Variants in DPYD observed in about 807,000 individuals in gnomAD.
DPYD encodes the protein dihydropyrimidine dehydrogenase.
In DPYD, 109 loss-of-function variants were observed where a neutral mutation model predicts 116.2. The observed-to-expected ratio is 0.94, with a 90% CI of 0.80 to 1.10. The LOEUF is 1.10. Among genes scored for constraint, DPYD ranks in the 50% least tolerant of loss-of-function variants. The probability of loss-of-function intolerance (pLI) is 0.00; values close to 1 mark genes in which losing one functional copy is unlikely to be tolerated. For missense variants in DPYD, 1,302 were observed against 1,254.5 expected (o/e 1.04, Z -0.57); for synonymous variants, 440 against 432.0 (o/e 1.02, Z -0.23).
intron 3 of DPYD, among the ~76,000 whole-genome samples, chr1:97,796,162 C>A (rs1215240537): frequency 6.6e-6 from 1 of 151,972 alleles, no homozygotes; most frequent in Non-Finnish European, 1.5e-5. Flanking sequence ...TTTTATTGTA[C>A]AGTTTAAAAT....
intron 2 of DPYD, among the ~76,000 whole-genome samples, chr1:97,863,066 G>C (rs957746520): frequency 6.6e-6 from 1 of 151,776 alleles, no homozygotes; most frequent in Non-Finnish European, 1.5e-5. Context: ...TACTCAAGAA[G>C]TTATGACTGT....
intron 3 of DPYD, among the ~76,000 whole-genome samples, chr1:97,813,573 T>A (rs1298511633): frequency 1.3e-5 from 2 of 152,142 alleles, no homozygotes; most frequent in African/African-American, 4.8e-5. Context: ...ACTAAGAGTA[T>A]TACCTCTGTG....
chr1:97,811,986 T>G (rs1354234242), intron 3 of DPYD, among the ~76,000 whole-genome samples: 2 of 152,204 alleles, frequency 1.3e-5, no homozygotes, highest in Non-Finnish European at 2.9e-5. Flanking sequence ...CAGTCATCTC[T>G]TTCTGGTGAT....
At chr1:97,249,921 T>A (rs1309578804) in intron 18 of DPYD, among the ~76,000 whole-genome samples, 3 of 152,158 alleles carry the variant, frequency 2.0e-5, no homozygotes, top group Non-Finnish European at 4.4e-5. Context: ...TAACACCAAA[T>A]GTTGATAACA....
chr1:97,248,142 T>C (rs1479906439), intron 18 of DPYD, among the ~76,000 whole-genome samples: 2 of 152,228 alleles, frequency 1.3e-5, no homozygotes, highest in African/African-American at 4.8e-5. Flanking sequence ...TAAAGCATCA[T>C]GATCAAATAC....
At chr1:97,412,882 C>T (rs1027207930) in intron 14 of DPYD, among the ~76,000 whole-genome samples, 3 of 152,142 alleles carry the variant, frequency 2.0e-5, no homozygotes, top group Admixed American at 6.5e-5. Flanking sequence ...AGAAAGGTGT[C>T]CTTCCCCCAC....
At chr1:97,525,718 A>C (rs1358485305) in intron 12 of DPYD, among the ~76,000 whole-genome samples, 1 of 151,132 alleles carries the variant, frequency 6.6e-6, no homozygotes, top group African/African-American at 2.4e-5. Flanking sequence ...TCTCTCCAAG[A>C]GCCATCTAGT....
chr1:97,519,753 G>A (rs1557768640), intron 12 of DPYD, among the ~76,000 whole-genome samples: 1 of 152,026 alleles, frequency 6.6e-6, no homozygotes, highest in Non-Finnish European at 1.5e-5. Context: ...TGTCTTGTTG[G>A]CTTATGTTCT....
chr1:97,385,440 G>GA (rs1487878061), intron 14 of DPYD, among the ~76,000 whole-genome samples: 3 of 143,834 alleles, frequency 2.1e-5, no homozygotes, highest in African/African-American at 5.1e-5. Flanking sequence ...GACTGAAGAA[G>GA]AAGAAAAAAT....
chr1:97,751,515 C>T (rs757029911), intron 3 of DPYD, among the ~76,000 whole-genome samples: 31 of 122,502 alleles, frequency 2.5e-4, no homozygotes, highest in Non-Finnish European at 3.6e-4. Context: ...CAGTGGCTCA[C>T]GCCTGTAACC....
chr1:97,478,793 G>C (rs2101874702), intron 13 of DPYD, among the ~76,000 whole-genome samples: 1 of 152,318 alleles, frequency 6.6e-6, no homozygotes, highest in South Asian at 2.1e-4. Context: ...TCGAAAATCT[G>C]TTATCTAATG....
chr1:97,421,014 T>C (rs1674553302), intron 14 of DPYD, among the ~76,000 whole-genome samples: 1 of 152,174 alleles, frequency 6.6e-6, no homozygotes, highest in African/African-American at 2.4e-5. Flanking sequence ...GGTTTGTTCC[T>C]TGTTCACTTT....
At chr1:97,477,914 C>T (rs1231083118) in intron 13 of DPYD, among the ~76,000 whole-genome samples, 1 of 152,112 alleles carries the variant, frequency 6.6e-6, no homozygotes, top group Non-Finnish European at 1.5e-5. Context: ...CTTAATGAAA[C>T]CTAGAATGGT....
intron 15 of DPYD, among the ~76,000 whole-genome samples, chr1:97,379,508 C>G (rs993631570): frequency 6.6e-6 from 1 of 152,180 alleles, no homozygotes; most frequent in Non-Finnish European, 1.5e-5. Flanking sequence ...TTGCTATCTT[C>G]ACATCTCCTA....
chr1:97,359,261 A>T (rs1670588689), intron 16 of DPYD, among the ~76,000 whole-genome samples: 1 of 152,184 alleles, frequency 6.6e-6, no homozygotes, highest in South Asian at 2.1e-4. Context: ...TTAGAGGAAA[A>T]AAAAGTGAAA....
intron 19 of DPYD, among the ~76,000 whole-genome samples, chr1:97,224,047 C>T (rs970656908): frequency 1.3e-5 from 2 of 152,064 alleles, no homozygotes; most frequent in Middle Eastern, 3.4e-3. Context: ...TGATAATTTT[C>T]ATCTGTCCTT....
chr1:97,192,112 G>T (rs1172511424), intron 20 of DPYD, among the ~76,000 whole-genome samples: 1 of 151,666 alleles, frequency 6.6e-6, no homozygotes, highest in African/African-American at 2.4e-5. Context: ...CTTGAAGAAG[G>T]GTTTTTTTTG....
At chr1:97,083,312 G>C (rs1469504189) in intron 21 of DPYD, among the ~76,000 whole-genome samples, 1 of 152,022 alleles carries the variant, frequency 6.6e-6, no homozygotes, top group Admixed American at 6.6e-5. Flanking sequence ...AATCTTGTTT[G>C]AATTCAAGGT....
intron 5 of DPYD, among the ~76,000 whole-genome samples, chr1:97,700,052 A>T (rs1661510981): frequency 1.3e-5 from 2 of 152,094 alleles, no homozygotes; most frequent in South Asian, 4.1e-4. Context: ...TGGGAGAATA[A>T]TGATTTAAAA....
Sources: allele counts gnomAD v4.1 joint callset (sites outside exome capture counted in the v4.1 genomes callset), GRCh38; gene constraint gnomAD v4.1.1; transcripts MANE v1.5; gene names NCBI Gene and HGNC (gene_info 2026-07-23, HGNC 2026-07-21).